CNTN1: variants seen among roughly 807,000 people sequenced by gnomAD.
CNTN1 encodes the protein contactin-1.
In CNTN1, 38 loss-of-function variants were observed where a neutral mutation model predicts 126.4. The observed-to-expected ratio is 0.30, with a 90% CI of 0.23 to 0.39. The LOEUF is 0.39. CNTN1 is among the 10% of genes least tolerant of loss of function. CNTN1 has a pLI of 1.00. For synonymous variants in CNTN1, 413 were observed against 422.6 expected, an observed-to-expected ratio of 0.98 and a Z score of 0.28; for missense variants, 1,009 against 1,248.4, an observed-to-expected ratio of 0.81 and a Z score of 2.89.
intron 23 of CNTN1, among the ~76,000 whole-genome samples, chr12:41,062,498 C>G (rs1396531055): frequency 3.3e-5 from 5 of 151,802 alleles, no homozygotes; most frequent in African/African-American, 9.7e-5. Flanking sequence ...GGATGGAAAC[C>G]TGGAAAGAAA....
chr12:40,949,185 C>T (rs1683375181), intron 14 of CNTN1, among the ~76,000 whole-genome samples: 1 of 137,928 alleles, frequency 7.3e-6, no homozygotes, highest in Non-Finnish European at 1.6e-5. Context: ...AATGATAAAA[C>T]AGAAGTCAAT....
chr12:40,808,230 G>T lies in CNTN1; in HGVS notation c.-76-100127G>T, dbSNP rs79430464. On this transcript the variant is annotated intron_variant, in intron 1 of 23. Coordinates refer to ENST00000551295, the MANE Select transcript of CNTN1 (RefSeq NM_001843.4). ...CAAAATTTAAAAACACTATGTTTTG[G>T]GGTTAGTTACGGTTAATTATCTTTA... is the stretch of plus-strand genomic sequence containing the variant. Among the ~76,000 whole-genome samples, 1,357 of 152,208 alleles carry T rather than the reference G, an allele frequency of 8.9e-3. 20 individuals are homozygous for T. Among genetic ancestry groups the T allele is most frequent in the African/African-American group, 0.031 (1,288 of 41,528 alleles).
rs894727648 is a variant in CNTN1, at chr12:40,891,576, G to A, written c.-76-16781G>A. The stretch of plus-strand genomic sequence containing the variant: ...AGTTTTTGTGAAGAGTGTAAGGTAC[G>A]TAGCTAAATTTTTTTTGTTGTTGCG... On this transcript the variant is annotated intron_variant, in intron 1 of 23. Coordinates refer to ENST00000551295, the MANE Select transcript of CNTN1 (RefSeq NM_001843.4). Among the ~76,000 whole-genome samples the A allele has an allele frequency of 6.6e-5, 10 of 152,184 alleles. No individual in the cohort carries two copies. In the East Asian group the frequency reaches 7.7e-4, roughly 12 times the overall value.
chr12:40,852,262 G>T (rs1592159721), intron 1 of CNTN1, among the ~76,000 whole-genome samples: 2 of 152,114 alleles, frequency 1.3e-5, no homozygotes, highest in East Asian at 3.9e-4. Flanking sequence ...TAACCCCTCG[G>T]TTTCCTTATA....
chr12:41,053,735 C>G (rs1011420681), intron 23 of CNTN1, among the ~76,000 whole-genome samples: 1 of 151,192 alleles, frequency 6.6e-6, no homozygotes, highest in African/African-American at 2.4e-5. Flanking sequence ...TAATATAATG[C>G]TAGCTCATAT....
intron 12 of CNTN1, among the ~76,000 whole-genome samples, chr12:40,940,734 G>A (rs529857288): frequency 6.6e-6 from 1 of 152,196 alleles, no homozygotes; most frequent in South Asian, 2.1e-4. Flanking sequence ...GGACATCAGG[G>A]GCTTCCCTGA....
chr12:40,907,051 T>G (rs1267180754), intron 1 of CNTN1, among the ~76,000 whole-genome samples: 1 of 152,206 alleles, frequency 6.6e-6, no homozygotes, highest in Non-Finnish European at 1.5e-5. Context: ...ATATATTCTT[T>G]TAAAACAATG....
intron 1 of CNTN1, among the ~76,000 whole-genome samples, chr12:40,887,354 G>A (rs903152372): frequency 6.6e-5 from 10 of 152,030 alleles, no homozygotes; most frequent in African/African-American, 2.4e-4. Context: ...GTGGGCGAAG[G>A]ATGTGAACAG....
intron 1 of CNTN1, among the ~76,000 whole-genome samples, chr12:40,825,294 T>C (rs1245129920): frequency 6.6e-6 from 1 of 152,160 alleles, no homozygotes; most frequent in Non-Finnish European, 1.5e-5. Flanking sequence ...ATGCATTCTT[T>C]TCCTAACTTG....
In CNTN1 at chr12:40,857,594, TGA is replaced by T. The variant is rs1251619599; in HGVS notation, c.-76-50762_-76-50761del. Among the ~76,000 whole-genome samples the T allele has an allele frequency of 2.0e-5, 3 of 152,142 alleles. No homozygotes were observed. The East Asian group carries it at 5.8e-4, about 29-fold the overall frequency. ...CTATGGTGCTGCTCCAGTAGAGAAA[TGA>T]AGTTGCTTCCCGTGGAAAAAGTCAA... On this transcript the variant is annotated intron_variant, in intron 1 of 23. Transcript: ENST00000551295.
intron 1 of CNTN1, among the ~76,000 whole-genome samples, chr12:40,836,008 G>GTGTGTGTGTGTA (rs141242584): frequency 2.0e-5 from 3 of 148,244 alleles, no homozygotes; most frequent in African/African-American, 7.5e-5. Context: ...GTGTGTGTGT[G>GTGTGTGTGTGTA]TATATATGTA....
At chr12:40,976,216 CT>C (rs1225789643) in intron 15 of CNTN1, among the ~76,000 whole-genome samples, 4 of 151,990 alleles carry the variant, frequency 2.6e-5, no homozygotes, top group Non-Finnish European at 5.9e-5. Flanking sequence ...TCTTTTTCCC[CT>C]AACTTCAGAT....
At chr12:40,730,329 G>A (rs1487968991) in intron 1 of CNTN1, among the ~76,000 whole-genome samples, 1 of 152,200 alleles carries the variant, frequency 6.6e-6, no homozygotes, top group Non-Finnish European at 1.5e-5. Flanking sequence ...TATTTCAAGG[G>A]CATACCTTGG....
intron 1 of CNTN1, among the ~76,000 whole-genome samples, chr12:40,717,077 AT>A (rs11344560): frequency 0.62 from 94,489 of 151,744 alleles, 29,976 homozygotes; most frequent in East Asian, 0.84. Flanking sequence ...CAAAAGTGTT[AT>A]TTTTTTTCTG....
chr12:40,937,953 C>G (rs1195632296), intron 11 of CNTN1, among the ~76,000 whole-genome samples: 1 of 152,176 alleles, frequency 6.6e-6, no homozygotes, highest in East Asian at 1.9e-4. Flanking sequence ...TGCAGAATCC[C>G]AGGCTCACCC....
At chr12:40,883,277 T>C (rs1388718286) in intron 1 of CNTN1, among the ~76,000 whole-genome samples, 2 of 151,608 alleles carry the variant, frequency 1.3e-5, no homozygotes, top group African/African-American at 2.4e-5. Flanking sequence ...ATTTCTGGTA[T>C]TGAGAAAAAT....
At chr12:40,779,041 A>G (rs1939695153) in intron 1 of CNTN1, among the ~76,000 whole-genome samples, 1 of 151,812 alleles carries the variant, frequency 6.6e-6, no homozygotes, top group African/African-American at 2.4e-5. Context: ...AGTCAGGTAG[A>G]TGTAGTCTTA....
chr12:40,869,648 A>G (rs183014526), intron 1 of CNTN1, among the ~76,000 whole-genome samples: 1 of 152,292 alleles, frequency 6.6e-6, no homozygotes, highest in African/African-American at 2.4e-5. Context: ...AATATTTTGT[A>G]TATAGTTTCT....
intron 1 of CNTN1, among the ~76,000 whole-genome samples, chr12:40,837,652 G>C (rs956188622): frequency 1.3e-5 from 2 of 152,188 alleles, no homozygotes; most frequent in Admixed American, 1.3e-4. Context: ...GCAGCGTTGA[G>C]TCTGAGGTGT....
Sources: gnomAD v4.1 joint callset for allele counts (sites outside exome capture counted in the v4.1 genomes callset) on GRCh38, gnomAD v4.1.1 for gene constraint, MANE v1.5 for transcripts, NCBI Gene and HGNC (gene_info 2026-07-23, HGNC 2026-07-21) for gene names.